Variants in RHOJ observed in about 807,000 individuals in gnomAD.
RHOJ encodes the protein ras homolog family member J, also known as rho-related GTP-binding protein RhoJ.
In RHOJ, 11 loss-of-function variants were observed where a neutral mutation model predicts 23.4. The ratio of observed to expected loss-of-function variants is 0.47; its 90% confidence interval spans 0.30 to 0.78. The LOEUF (loss-of-function observed/expected upper bound fraction) is 0.78, where lower values mean the gene tolerates loss of function less well. RHOJ is among the 30% of genes least tolerant of loss of function. The probability of loss-of-function intolerance (pLI) is 0.08; values close to 1 mark genes in which losing one functional copy is unlikely to be tolerated. For missense variants in RHOJ, 254 were observed against 273.4 expected, an observed-to-expected ratio of 0.93 and a Z score of 0.50; for synonymous variants, 102 against 102.7, an observed-to-expected ratio of 0.99 and a Z score of 0.04.
rs780513440 is a variant in RHOJ, at chr14:63,292,144, G to A, written c.*1120G>A. The A allele has an allele frequency of 1.3e-5, 2 of 152,090 alleles. No homozygotes were observed. The highest frequency in any genetic ancestry group is 2.4e-5 in the African/African-American group (1 of 41,390). 9.4% of individuals were successfully genotyped at this position (152,090 alleles called of 1,614,324 possible). The stretch of plus-strand genomic sequence containing the variant: ...TTCAACTGAAAGTGCTTCTCAGCTC[G>A]CCCCATGTAAGTTCTCATTCCATGT... On this transcript the variant is annotated 3_prime_UTR_variant, in exon 5 of 5. Coordinates refer to ENST00000316754, the MANE Select transcript of RHOJ (RefSeq NM_020663.5).
chr14:63,262,710 G>A lies in RHOJ; in HGVS notation c.179-6400G>A, dbSNP rs115433778. Among the ~76,000 whole-genome samples, 572 of 152,286 alleles carry A rather than the reference G, an allele frequency of 3.8e-3. 4 individuals carry two copies. Among genetic ancestry groups the A allele is most frequent in the African/African-American group, 0.013 (543 of 41,560 alleles). ...TTCAAGCTGCCCCTCCGTACATTTC[G>A]AAGAACTTTATTCTGCCCCTGGTGC... On this transcript the variant is annotated intron_variant, in intron 1 of 4. Transcript: ENST00000316754.
In RHOJ at chr14:63,292,119, T is replaced by C. The variant is rs542799945; in HGVS notation, c.*1095T>C. 3 of 152,350 alleles carry C rather than the reference T, an allele frequency of 2.0e-5. No homozygotes were observed. Among genetic ancestry groups the C allele is most frequent in the South Asian group, 2.1e-4 (1 of 4,832 alleles). The allele number at this position is 152,350 out of a possible 1,614,324, so 9.4% of individuals were successfully genotyped here. On this transcript the variant is annotated 3_prime_UTR_variant, in exon 5 of 5. Coordinates refer to ENST00000316754, the MANE Select transcript of RHOJ (RefSeq NM_020663.5). ...AAAGTGCCTTAATTTTTCTATTTGC[T>C]TCAACTGAAAGTGCTTCTCAGCTCG...
chr14:63,266,934 T>A (rs1195896919), intron 1 of RHOJ, among the ~76,000 whole-genome samples: 1 of 152,168 alleles, frequency 6.6e-6, no homozygotes, highest in Non-Finnish European at 1.5e-5. Flanking sequence ...TGCAGACATA[T>A]GCACAGCCAG....
intron 2 of RHOJ, among the ~76,000 whole-genome samples, chr14:63,273,493 G>A (rs973354437): frequency 2.0e-5 from 3 of 152,334 alleles, no homozygotes; most frequent in Middle Eastern, 6.8e-3. Flanking sequence ...AGACCAAGTG[G>A]ACAGCAGGGT....
chr14:63,281,163 AGCGGGCTGC>A (rs1202984104), intron 3 of RHOJ, 28 bp downstream of exon 3: 2 of 1,576,830 alleles, frequency 1.3e-6, no homozygotes, highest in Admixed American at 3.7e-5. Context: ...GGCAGGGTGG[AGCGGGCTGC>A]AAAAATGGGA....
At chr14:63,258,048 G>A (rs548828669) in intron 1 of RHOJ, among the ~76,000 whole-genome samples, 1 of 149,636 alleles carries the variant, frequency 6.7e-6, no homozygotes, top group African/African-American at 2.5e-5. Context: ...CCAACATGGT[G>A]AAACTCCATC....
chr14:63,222,635 G>A (rs780219089), intron 1 of RHOJ, among the ~76,000 whole-genome samples: 11 of 152,296 alleles, frequency 7.2e-5, no homozygotes, highest in East Asian at 3.9e-4. Flanking sequence ...TTTGAGAAGC[G>A]TCTGTTCATA....
intron 1 of RHOJ, among the ~76,000 whole-genome samples, chr14:63,207,065 T>G (rs1894127319): frequency 6.6e-6 from 1 of 151,160 alleles, no homozygotes; most frequent in Non-Finnish European, 1.5e-5. Context: ...AGAGTCTTGC[T>G]CTGTCGCCCA....
In RHOJ at chr14:63,292,537, C is replaced by T. The variant is rs1882283885; in HGVS notation, c.*1513C>T. 1 of 152,138 alleles carries T rather than the reference C, an allele frequency of 6.6e-6. No individual in the cohort carries two copies. The highest frequency in any genetic ancestry group is 6.6e-5 in the Admixed American group (1 of 15,262). The allele number at this position is 152,138 out of a possible 1,614,324, so 9.4% of individuals were successfully genotyped here. ...TTAATTTTTTTTTCAGTTGCATGAGCAAAGTGCTTCTTAGTAGTGTGAAAT... is the reference window on the plus strand; with the variant it reads ...TTAATTTTTTTTTCAGTTGCATGAGTAAAGTGCTTCTTAGTAGTGTGAAAT... On this transcript the variant is annotated 3_prime_UTR_variant, in exon 5 of 5. Transcript: ENST00000316754.
At chr14:63,276,261 C>T (rs1881716798) in intron 2 of RHOJ, among the ~76,000 whole-genome samples, 1 of 152,146 alleles carries the variant, frequency 6.6e-6, no homozygotes. Context: ...TTCTAACAAG[C>T]TCCCAGGTGA....
At chr14:63,229,276 G>C (rs902743073) in intron 1 of RHOJ, among the ~76,000 whole-genome samples, 8 of 152,218 alleles carry the variant, frequency 5.3e-5, no homozygotes, top group Non-Finnish European at 1.0e-4. Context: ...AACTATGTTA[G>C]TATTATGTAT....
At chr14:63,280,351 G>C (rs1342102205) in intron 2 of RHOJ, among the ~76,000 whole-genome samples, 1 of 152,108 alleles carries the variant, frequency 6.6e-6, no homozygotes, top group African/African-American at 2.4e-5. Context: ...CATAGAAACA[G>C]AGAGTAGAAC....
chr14:63,263,127 C>T (rs965498803), intron 1 of RHOJ, among the ~76,000 whole-genome samples: 3 of 152,142 alleles, frequency 2.0e-5, no homozygotes, highest in Middle Eastern at 3.2e-3. Context: ...TGTTATCCCC[C>T]ATTTTTAATA....
At chr14:63,290,135 T>G (rs1882201180) in intron 4 of RHOJ, among the ~76,000 whole-genome samples, 1 of 152,054 alleles carries the variant, frequency 6.6e-6, no homozygotes, top group Non-Finnish European at 1.5e-5. Context: ...CCCAGCTACT[T>G]GAGACGCTGA....
intron 1 of RHOJ, among the ~76,000 whole-genome samples, chr14:63,225,827 G>A: frequency 6.6e-6 from 1 of 152,094 alleles, no homozygotes; most frequent in East Asian, 1.9e-4. Context: ...TACAACCCAT[G>A]TATATAAAAG....
chr14:63,264,309 TG>T (rs777552751), intron 1 of RHOJ, among the ~76,000 whole-genome samples: 1 of 152,212 alleles, frequency 6.6e-6, no homozygotes, highest in Non-Finnish European at 1.5e-5. Context: ...CTTATGATAA[TG>T]GCCTCCAGCT....
At chr14:63,280,776 G>C (rs1030176593) in intron 2 of RHOJ, among the ~76,000 whole-genome samples, 195 bp from the exon 3 acceptor site, 1 of 152,172 alleles carries the variant, frequency 6.6e-6, no homozygotes, top group African/African-American at 2.4e-5. Context: ...CATAATCTCT[G>C]TACGTAACAA....
chr14:63,284,028 C>T (rs148985118), intron 4 of RHOJ, among the ~76,000 whole-genome samples: 103 of 152,258 alleles, frequency 6.8e-4, no homozygotes, highest in African/African-American at 2.5e-3. Context: ...AGTCATAAAT[C>T]TATTGACCCA....
intron 1 of RHOJ, among the ~76,000 whole-genome samples, chr14:63,219,207 A>G (rs1417468319): frequency 7.9e-5 from 12 of 152,174 alleles, no homozygotes; most frequent in Admixed American, 7.9e-4. Flanking sequence ...AAACCCTGCA[A>G]TTAACTCAGA....
Sources: gnomAD v4.1 joint callset for allele counts (sites outside exome capture counted in the v4.1 genomes callset) on GRCh38, gnomAD v4.1.1 for gene constraint, MANE v1.5 for transcripts, NCBI Gene and HGNC (gene_info 2026-07-23, HGNC 2026-07-21) for gene names.